NKAIN3: variants seen among roughly 807,000 people sequenced by gnomAD.
NKAIN3 encodes sodium/potassium transporting ATPase interacting 3.
NKAIN3 carries 25 observed loss-of-function variants against 30.2 expected under a neutral mutation model. The observed-to-expected ratio is 0.83, with a 90% CI of 0.60 to 1.16. NKAIN3 has a LOEUF of 1.16. Among genes scored for constraint, NKAIN3 ranks in the 50% most tolerant of loss-of-function variants. The pLI is 0.00. For missense variants in NKAIN3, 225 were observed against 254.1 expected (o/e 0.89, Z 0.78); for synonymous variants, 91 against 89.6 (o/e 1.02, Z -0.09).
At chr8:62,673,230 A>G (rs980625503) in intron 3 of NKAIN3, among the ~76,000 whole-genome samples, 5 of 152,266 alleles carry the variant, frequency 3.3e-5, no homozygotes, top group Non-Finnish European at 4.4e-5. Flanking sequence ...AACTGCTGAA[A>G]AGCAAAATTC....
intron 4 of NKAIN3, among the ~76,000 whole-genome samples, chr8:62,828,776 T>C (rs1342206524): frequency 2.0e-5 from 3 of 152,150 alleles, no homozygotes; most frequent in Non-Finnish European, 4.4e-5. Context: ...TCAGCCACCA[T>C]GCTGTGAGAA....
intron 4 of NKAIN3, chr8:62,855,364 C>T (rs1820031457): frequency 4.2e-6 from 3 of 718,024 alleles, no homozygotes; most frequent in Non-Finnish European, 7.5e-6. Flanking sequence ...GCCCATATGC[C>T]TCTTTCAGCA....
At chr8:62,349,193 G>C (rs976542026) in intron 1 of NKAIN3, among the ~76,000 whole-genome samples, 9 of 152,128 alleles carry the variant, frequency 5.9e-5, no homozygotes, top group African/African-American at 2.2e-4. Flanking sequence ...ATTGTGCAAC[G>C]AAATTTGTGG....
At chr8:62,613,855 G>C (rs990399469) in intron 3 of NKAIN3, among the ~76,000 whole-genome samples, 26 of 151,862 alleles carry the variant, frequency 1.7e-4, no homozygotes, top group Admixed American at 1.6e-3. Flanking sequence ...CAGAATTTCT[G>C]CTTTATTCTT....
intron 4 of NKAIN3, among the ~76,000 whole-genome samples, chr8:62,889,559 G>T (rs986499084): frequency 7.2e-5 from 11 of 152,092 alleles, no homozygotes; most frequent in African/African-American, 2.4e-4. Flanking sequence ...AACCATTATT[G>T]AACAACTGAT....
chr8:62,462,395 G>A (rs1174612607), intron 1 of NKAIN3, among the ~76,000 whole-genome samples: 1 of 152,156 alleles, frequency 6.6e-6, no homozygotes, highest in South Asian at 2.1e-4. Context: ...ATTGCTATTA[G>A]CAATGCATGG....
rs1420843876 is a variant in NKAIN3, at chr8:62,249,039, C to CT, written c.-34dup. 19 of 1,525,504 alleles carry CT rather than the reference C, an allele frequency of 1.2e-5. No individual in the cohort carries two copies. The highest frequency in any genetic ancestry group is 1.6e-5 in the Non-Finnish European group (18 of 1,136,660). 94.5% of individuals were successfully genotyped at this position (1,525,504 alleles called of 1,614,324 possible). On this transcript the variant is annotated 5_prime_UTR_variant, in exon 1 of 7. Transcript: ENST00000623646. ...CAGCAGCGGCGGAGGACGAGGATCT[C>CT]TGGCAGTCAGCGCCGCTCGGACGCC...
At chr8:62,592,713 A>G (rs73259161) in intron 3 of NKAIN3, among the ~76,000 whole-genome samples, 3,175 of 152,110 alleles carry the variant, frequency 0.021, 123 homozygotes, top group African/African-American at 0.073. Flanking sequence ...TGAAATACAC[A>G]TTAAACATAA....
chr8:62,903,883 C>T (rs13277301), intron 4 of NKAIN3, among the ~76,000 whole-genome samples: 70,150 of 151,782 alleles, frequency 0.46, 17,848 homozygotes, highest in African/African-American at 0.69. Flanking sequence ...CTCACGGGAA[C>T]TCACTCACTA....
chr8:62,912,587 T>C (rs1821953158), intron 4 of NKAIN3, among the ~76,000 whole-genome samples: 4 of 152,202 alleles, frequency 2.6e-5, no homozygotes, highest in Admixed American at 2.0e-4. Context: ...TCTATTAATT[T>C]TTTTTAACTT....
intron 4 of NKAIN3, among the ~76,000 whole-genome samples, chr8:62,889,848 T>A (rs1294486333): frequency 6.6e-6 from 1 of 152,112 alleles, no homozygotes; most frequent in Non-Finnish European, 1.5e-5. Flanking sequence ...GGCATAACTT[T>A]TAATTAGGTT....
chr8:62,946,989 T>G (rs149371147), intron 5 of NKAIN3, among the ~76,000 whole-genome samples: 1 of 152,294 alleles, frequency 6.6e-6, no homozygotes, highest in East Asian at 1.9e-4. Flanking sequence ...AATGACAGCT[T>G]GAGCTCACTG....
chr8:62,981,549 A>T lies in NKAIN3; in HGVS notation c.*16142A>T, dbSNP rs186516897. ...ACAAAGCTCTTTCTCATCCTGTGGTAGGAACTTAGGAGTGATAACTCACAT... is the reference window on the plus strand; with the variant it reads ...ACAAAGCTCTTTCTCATCCTGTGGTTGGAACTTAGGAGTGATAACTCACAT... On this transcript the variant is annotated 3_prime_UTR_variant, in exon 7 of 7. Transcript: ENST00000623646. 20 of 152,290 alleles carry T rather than the reference A, an allele frequency of 1.3e-4. No homozygotes were observed. Among genetic ancestry groups the T allele is most frequent in the Non-Finnish European group, 2.4e-4 (16 of 68,020 alleles). 9.4% of individuals were successfully genotyped at this position (152,290 alleles called of 1,614,324 possible). A position where few individuals can be genotyped will look rare whatever the true frequency, so the allele number is the denominator to read the frequency against.
At chr8:62,690,729 A>G (rs1489444522) in intron 3 of NKAIN3, among the ~76,000 whole-genome samples, 2 of 152,192 alleles carry the variant, frequency 1.3e-5, no homozygotes, top group African/African-American at 4.8e-5. Context: ...CACATGCCAC[A>G]TGAGCAAAAC....
intron 3 of NKAIN3, among the ~76,000 whole-genome samples, chr8:62,714,929 C>G (rs891521005): frequency 1.3e-5 from 2 of 152,144 alleles, no homozygotes; most frequent in Non-Finnish European, 2.9e-5. Flanking sequence ...TCTTGCACTG[C>G]TATAAAGACC....
At chr8:62,826,193 C>T (rs563500683) in intron 4 of NKAIN3, among the ~76,000 whole-genome samples, 5 of 151,850 alleles carry the variant, frequency 3.3e-5, no homozygotes, top group Non-Finnish European at 2.9e-5. Context: ...AACAATAGAT[C>T]GTTGGAAATA....
intron 1 of NKAIN3, among the ~76,000 whole-genome samples, chr8:62,342,234 C>T: frequency 9.0e-5 from 1 of 11,152 alleles, no homozygotes. Context: ...AACCACTGAA[C>T]CAAAAAAAAA....
chr8:62,959,183 C>T (rs1823499461), intron 6 of NKAIN3, among the ~76,000 whole-genome samples: 1 of 152,228 alleles, frequency 6.6e-6, no homozygotes, highest in Admixed American at 6.5e-5. Flanking sequence ...AGGCCAATCC[C>T]TATTTCAGGG....
chr8:62,833,156 A>T (rs1819249455), intron 4 of NKAIN3, among the ~76,000 whole-genome samples: 1 of 152,140 alleles, frequency 6.6e-6, no homozygotes, highest in South Asian at 2.1e-4. Context: ...AAACAGAGAC[A>T]CAGCATACCA....
Sources: gnomAD v4.1 joint callset for allele counts (sites outside exome capture counted in the v4.1 genomes callset) on GRCh38, gnomAD v4.1.1 for gene constraint, MANE v1.5 for transcripts, NCBI Gene and HGNC (gene_info 2026-07-23, HGNC 2026-07-21) for gene names.